Variants in MAPRE2 observed in about 807,000 individuals in gnomAD.
MAPRE2 encodes microtubule-associated protein RP/EB family member 2.
In MAPRE2, 13 loss-of-function variants were observed where a neutral mutation model predicts 43.2. The observed-to-expected ratio is 0.30, with a 90% CI of 0.20 to 0.48. MAPRE2 has a LOEUF of 0.48. Ranked by LOEUF, MAPRE2 falls within the 20% of genes least tolerant of loss-of-function variation. The pLI is 0.99. For missense variants in MAPRE2, 161 were observed against 400.2 expected (o/e 0.40, Z 5.10); for synonymous variants, 135 against 148.8 (o/e 0.91, Z 0.68).
intron 4 of MAPRE2, among the ~76,000 whole-genome samples, chr18:35,126,708 C>T (rs780469717): frequency 6.6e-6 from 1 of 151,928 alleles, no homozygotes; most frequent in Non-Finnish European, 1.5e-5. Context: ...GCATTAACCT[C>T]ATGTTACTTG....
chr18:35,041,641 G>A lies in MAPRE2; in HGVS notation c.102G>A (p.Val34=), dbSNP rs1206557974. The part of the protein sequence containing the change: ...GTIIPFRKHT[V]RGERSYSWGM... The stretch of plus-strand genomic sequence containing the variant: ...TCATTCCTTTCCGGAAGCACACAGT[G>A]CGCGGGGAGCGTTCCTACAGGTAAT... Residue 34 remains valine, a synonymous_variant, in exon 1 of 7, where the codon GTG becomes GTA. Coordinates refer to ENST00000300249, the MANE Select transcript of MAPRE2 (RefSeq NM_014268.4). 2.5e-5 allele frequency: 41 copies of A among 1,614,136 alleles called. No homozygotes were observed. The highest frequency in any genetic ancestry group is 8.3e-5 in the Admixed American group (5 of 60,012).
intron 1 of MAPRE2, among the ~76,000 whole-genome samples, chr18:35,053,634 A>G (rs192042806): frequency 3.9e-5 from 6 of 152,312 alleles, no homozygotes; most frequent in Admixed American, 1.3e-4. Context: ...CCTTCTTGCT[A>G]GATTCCACTA....
At chr18:35,018,311 A>T (rs2097039741) in intron 2 of MAPRE2, among the ~76,000 whole-genome samples, 1 of 151,880 alleles carries the variant, frequency 6.6e-6, no homozygotes, top group Non-Finnish European at 1.5e-5. Context: ...TATCAGGTTG[A>T]TGTCTGATAA....
Position 35,115,053 on chromosome 18 carries a change from G to A in MAPRE2, c.611-11895G>A, listed in dbSNP as rs184287375. Reference sequence around the variant, plus strand: ...TTGCTTAGTATATTGGGCAGGAATCGAAAACAGCTTTGACTTGTAGAATTT... The same window carrying A: ...TTGCTTAGTATATTGGGCAGGAATCAAAAACAGCTTTGACTTGTAGAATTT... On this transcript the variant is annotated intron_variant, in intron 4 of 6. Coordinates refer to ENST00000300249, the MANE Select transcript of MAPRE2 (RefSeq NM_014268.4). Among the ~76,000 whole-genome samples, 46 of 152,212 alleles carry A rather than the reference G, an allele frequency of 3.0e-4. 1 individual carries two copies. The East Asian group carries it at 7.7e-3, about 26-fold the overall frequency.
chr18:35,007,448 A>C (rs1381443701), intron 2 of MAPRE2, among the ~76,000 whole-genome samples: 1 of 152,230 alleles, frequency 6.6e-6, no homozygotes, highest in Non-Finnish European at 1.5e-5. Context: ...TAAAGAGCCA[A>C]ATTGTAAATA....
upstream of MAPRE2, among the ~76,000 whole-genome samples, chr18:35,039,236 C>G (rs971732890): frequency 6.6e-6 from 1 of 152,196 alleles, no homozygotes; most frequent in African/African-American, 2.4e-5. Flanking sequence ...GACTGTCCCC[C>G]CAAAAAGGGG....
chr18:35,094,154 A>G (rs765649358), intron 2 of MAPRE2, among the ~76,000 whole-genome samples: 9 of 152,234 alleles, frequency 5.9e-5, no homozygotes, highest in African/African-American at 9.6e-5. Flanking sequence ...GGTGATGGAT[A>G]TGCCAAATAC....
chr18:34,986,678 G>A (rs2097021180), intron 1 of MAPRE2, among the ~76,000 whole-genome samples: 1 of 152,174 alleles, frequency 6.6e-6, no homozygotes, highest in African/African-American at 2.4e-5. Context: ...CAGTTGAAAT[G>A]TTTAGGCAAC....
At chr18:35,109,489 G>C (rs1013692855) in intron 4 of MAPRE2, among the ~76,000 whole-genome samples, 2 of 152,150 alleles carry the variant, frequency 1.3e-5, no homozygotes, top group African/African-American at 4.8e-5. Context: ...TACTAATTCT[G>C]TGAAGAATGT....
At chr18:34,994,258 T>C (rs1568965250) in intron 1 of MAPRE2, among the ~76,000 whole-genome samples, 1 of 152,134 alleles carries the variant, frequency 6.6e-6, no homozygotes, top group Non-Finnish European at 1.5e-5. Flanking sequence ...AATAAAGATA[T>C]TAAGCACTTG....
intron 2 of MAPRE2, among the ~76,000 whole-genome samples, chr18:35,008,485 T>C (rs1296056648): frequency 6.6e-6 from 1 of 152,238 alleles, no homozygotes; most frequent in Non-Finnish European, 1.5e-5. Context: ...TTTTCCACAG[T>C]GCATATCATA....
At chr18:34,998,140 G>GAA (rs2150577436) in intron 1 of MAPRE2, among the ~76,000 whole-genome samples, 1 of 152,030 alleles carries the variant, frequency 6.6e-6, no homozygotes, top group Admixed American at 6.5e-5. Flanking sequence ...CAAACCTTTT[G>GAA]AAAGTAGATT....
At chr18:35,096,118 C>T (rs1350999969) in intron 2 of MAPRE2, among the ~76,000 whole-genome samples, 2 of 152,078 alleles carry the variant, frequency 1.3e-5, no homozygotes, top group Non-Finnish European at 2.9e-5. Context: ...GGATGCCTAA[C>T]CTTTATTTCA....
chr18:35,082,277 G>C (rs1230482680), intron 2 of MAPRE2: 2 of 62,546 alleles, frequency 3.2e-5, no homozygotes, highest in Non-Finnish European at 4.6e-5. Context: ...GCGACAGAGC[G>C]AGACTCCGTC....
At chr18:35,025,613 A>G (rs745490482) in intron 2 of MAPRE2, among the ~76,000 whole-genome samples, 8 of 152,180 alleles carry the variant, frequency 5.3e-5, no homozygotes, top group Non-Finnish European at 1.2e-4. Context: ...AACAACTCGG[A>G]TACTGTTAAC....
intron 4 of MAPRE2, among the ~76,000 whole-genome samples, chr18:35,124,363 C>T (rs749572096): frequency 6.6e-6 from 1 of 152,160 alleles, no homozygotes; most frequent in Non-Finnish European, 1.5e-5. Flanking sequence ...TTACCTGCCA[C>T]GGGGTCCCTC....
chr18:35,064,340 T>C (rs570340929), intron 1 of MAPRE2, among the ~76,000 whole-genome samples: 107 of 151,166 alleles, frequency 7.1e-4, no homozygotes, highest in Non-Finnish European at 4.0e-4. Flanking sequence ...TATGTATATA[T>C]ACTGTTTTGT....
At chr18:35,080,170 G>A (rs1221489692) in intron 2 of MAPRE2, among the ~76,000 whole-genome samples, 1 of 152,166 alleles carries the variant, frequency 6.6e-6, no homozygotes, top group Non-Finnish European at 1.5e-5. Context: ...GGATTCAGAC[G>A]GAGAAGAAGA....
chr18:35,141,681 T>A lies in MAPRE2; in HGVS notation c.*1312T>A, dbSNP rs1192375672. ...CTTTTTTTTCTTTATTTTTATTTTT[T>A]CCTTTGACAGATGGTATCCCTTCCT... On this transcript the variant is annotated 3_prime_UTR_variant, in exon 7 of 7. Transcript: ENST00000300249. The A allele has an allele frequency of 6.6e-6, 1 of 152,230 alleles. No individual in the cohort carries two copies. The highest frequency in any genetic ancestry group is 2.4e-5 in the African/African-American group (1 of 41,462). The allele number at this position is 152,230 out of a possible 1,614,324, so 9.4% of individuals were successfully genotyped here.
Sources: allele counts gnomAD v4.1 joint callset (sites outside exome capture counted in the v4.1 genomes callset), GRCh38; gene constraint gnomAD v4.1.1; transcripts MANE v1.5; gene names NCBI Gene and HGNC (gene_info 2026-07-23, HGNC 2026-07-21).